RPF2: variants seen among roughly 807,000 people sequenced by gnomAD.
RPF2 encodes the protein ribosome production factor 2 homolog.
RPF2 carries 21 observed loss-of-function variants against 38.9 expected under a neutral mutation model. The ratio of observed to expected loss-of-function variants is 0.54; its 90% CI spans 0.38 to 0.78. The LOEUF (loss-of-function observed/expected upper bound fraction) is 0.78, where lower values mean the gene tolerates loss of function less well. RPF2 is among the 30% of genes least tolerant of loss of function. RPF2 has a pLI of 0.00. For synonymous variants in RPF2, 121 were observed against 126.2 expected (o/e 0.96, Z 0.28); for missense variants, 314 against 358.1 (o/e 0.88, Z 0.99).
rs370589617 is a variant in RPF2, at chr6:110,990,567, C to G, written c.195-1180C>G. 4.5e-3 allele frequency among the ~76,000 whole-genome samples: 605 copies of G among 133,900 alleles called. 7 individuals are homozygous for G. The highest frequency in any genetic ancestry group is 0.016 in the African/African-American group (582 of 36,000). 87.8% of individuals were successfully genotyped at this position (133,900 alleles called of 152,430 possible). A position where few individuals can be genotyped will look rare whatever the true frequency, so the allele number is the denominator to read the frequency against. ...CTGTTTGGCAATTGGGAACCCCCCCCCCCCCCACCTTTTCTTTTGTTTGTT... is the reference window on the plus strand; with the variant it reads ...CTGTTTGGCAATTGGGAACCCCCCCGCCCCCCACCTTTTCTTTTGTTTGTT... On this transcript the variant is annotated intron_variant, in intron 3 of 9. Transcript: ENST00000441448.
chr6:110,996,174 G>A (rs924558979), intron 4 of RPF2, among the ~76,000 whole-genome samples: 3 of 149,172 alleles, frequency 2.0e-5, no homozygotes, highest in African/African-American at 5.0e-5. Flanking sequence ...CCAAACTGGA[G>A]TGCAGTGGTC....
intron 4 of RPF2, among the ~76,000 whole-genome samples, chr6:110,994,770 C>CACACACACAT (rs1554247831): frequency 2.5e-4 from 36 of 146,064 alleles, no homozygotes; most frequent in African/African-American, 9.3e-4. Flanking sequence ...CACACACACA[C>CACACACACAT]GAGTATGTAT....
intron 3 of RPF2, among the ~76,000 whole-genome samples, chr6:110,990,736 C>A (rs1438775910): frequency 6.6e-6 from 1 of 151,924 alleles, no homozygotes; most frequent in African/African-American, 2.4e-5. Context: ...AGGTGCCCAG[C>A]TAATTTTTGT....
At chr6:111,005,935 G>A (rs1018268169) in intron 6 of RPF2, among the ~76,000 whole-genome samples, 18 of 151,988 alleles carry the variant, frequency 1.2e-4, no homozygotes, top group African/African-American at 3.9e-4. Context: ...TCTCAGCCCC[G>A]ACTAGCTGGG....
intron 7 of RPF2, among the ~76,000 whole-genome samples, chr6:111,015,043 G>T (rs1446686888): frequency 6.6e-6 from 1 of 152,158 alleles, no homozygotes; most frequent in Non-Finnish European, 1.5e-5. Flanking sequence ...CTCCCAAAGT[G>T]CTGGGATGAC....
intron 8 of RPF2, among the ~76,000 whole-genome samples, chr6:111,023,500 TGAA>T (rs770727029): frequency 3.9e-5 from 6 of 152,218 alleles, no homozygotes; most frequent in East Asian, 3.8e-4. Context: ...ATGAGTAAGA[TGAA>T]GAAGTCAAAT....
At chr6:111,024,441 C>T (rs566269584) in intron 9 of RPF2, 114 bp downstream of exon 9, 51 of 965,912 alleles carry the variant, frequency 5.3e-5, no homozygotes, top group Admixed American at 1.3e-4. Context: ...AGGCCAGGCG[C>T]GGTGGCTCAC....
chr6:111,024,124 T>C, intron 8 of RPF2, 59 bp from the exon 9 acceptor site: 1 of 1,434,844 alleles, frequency 7.0e-7, no homozygotes, highest in Non-Finnish European at 9.4e-7. Context: ...AAAAAATATT[T>C]GGTGGAGAGG....
At chr6:111,014,286 C>T (rs780726213) in intron 7 of RPF2, among the ~76,000 whole-genome samples, 7 of 152,058 alleles carry the variant, frequency 4.6e-5, no homozygotes, top group South Asian at 4.2e-4. Context: ...GCACTTGCCA[C>T]CACACCTGGC....
Position 110,982,077 on chromosome 6 carries a change from C to T in RPF2, c.-30C>T, listed in dbSNP as rs1269667429. 1.9e-6 allele frequency: 3 copies of T among 1,613,952 alleles called. No homozygotes were observed. The highest frequency in any genetic ancestry group is 2.2e-5 in the East Asian group (1 of 44,886). ...AATCGCCGAGGGCACGTGCATGCCC[C>T]CTGGTTAAGAGTTGCAGGTAGCGGT... On this transcript the variant is annotated 5_prime_UTR_variant, in exon 1 of 10. Transcript: ENST00000441448.
chr6:110,987,260 T>C (rs1203046291), intron 2 of RPF2, among the ~76,000 whole-genome samples: 2 of 152,002 alleles, frequency 1.3e-5, no homozygotes, highest in East Asian at 3.9e-4. Flanking sequence ...GGTTTCACCA[T>C]GTTGGCCAGG....
chr6:111,010,606 C>T (rs1771995884), intron 7 of RPF2, among the ~76,000 whole-genome samples: 1 of 152,182 alleles, frequency 6.6e-6, no homozygotes, highest in African/African-American at 2.4e-5. Context: ...GTGGCCTTGT[C>T]TACTTTATTC....
chr6:110,997,796 G>C (rs978216250), intron 5 of RPF2, among the ~76,000 whole-genome samples: 1 of 152,148 alleles, frequency 6.6e-6, no homozygotes, highest in Non-Finnish European at 1.5e-5. Context: ...CAGGCAACTT[G>C]AGAGATTCAT....
At chr6:110,989,672 C>A (rs1223191275) in intron 3 of RPF2, among the ~76,000 whole-genome samples, 1 of 147,896 alleles carries the variant, frequency 6.8e-6, no homozygotes, top group Admixed American at 6.8e-5. Flanking sequence ...TGTTGCCAGG[C>A]TGGAGTGCAG....
At chr6:110,982,227 C>T in intron 1 of RPF2, 98 bp downstream of exon 1, 1 of 1,356,264 alleles carries the variant, frequency 7.4e-7, no homozygotes, top group African/African-American at 1.4e-5. Context: ...CTGGTTACCC[C>T]TCTAATTACC....
Position 111,026,477 on chromosome 6 carries a change from C to T in RPF2, c.*895C>T, listed in dbSNP as rs1288526596. 1 of 152,296 alleles carries T rather than the reference C, an allele frequency of 6.6e-6. No individual in the cohort carries two copies. Among genetic ancestry groups the T allele is most frequent in the Non-Finnish European group, 1.5e-5 (1 of 68,180 alleles). 9.4% of individuals were successfully genotyped at this position (152,296 alleles called of 1,614,324 possible). A position where few individuals can be genotyped will look rare whatever the true frequency, so the allele number is the denominator to read the frequency against. Reference sequence around the variant, plus strand: ...TCACCTTCCTGAGCAGCCGGAACTACAGATGTTGGTCCACTGCACCTGGCA... The same window carrying T: ...TCACCTTCCTGAGCAGCCGGAACTATAGATGTTGGTCCACTGCACCTGGCA... On this transcript the variant is annotated 3_prime_UTR_variant, in exon 10 of 10. Transcript: ENST00000441448.
rs1292398962 is a variant in RPF2 at position 110,991,708 on chromosome 6, T to C, written c.195-39T>C. On this transcript the variant is annotated intron_variant, in intron 3 of 9. Transcript: ENST00000441448. Reference sequence around the variant, plus strand: ...TTAATATATTAATTGTATATACTTATTTAGATTATTAAAATTGTCACTTTT... The same window carrying C: ...TTAATATATTAATTGTATATACTTACTTAGATTATTAAAATTGTCACTTTT... The C allele has an allele frequency of 2.6e-6, 2 of 762,352 alleles. 1 individual carries two copies. The highest frequency in any genetic ancestry group is 7.4e-4 in the Middle Eastern group (2 of 2,692). The allele number at this position is 762,352 out of a possible 1,614,324, so 47.2% of individuals were successfully genotyped here.
At chr6:110,990,233 C>T (rs557606036) in intron 3 of RPF2, among the ~76,000 whole-genome samples, 40 of 151,380 alleles carry the variant, frequency 2.6e-4, no homozygotes, top group African/African-American at 8.5e-4. Flanking sequence ...CCACCGTGCC[C>T]GGCCCTAGTT....
At chr6:110,982,250 G>C in intron 1 of RPF2, 121 bp downstream of exon 1, 1 of 1,139,374 alleles carries the variant, frequency 8.8e-7, no homozygotes. Context: ...GGTGGGGGCC[G>C]ATCGATCACC....
Sources: allele counts gnomAD v4.1 joint callset (sites outside exome capture counted in the v4.1 genomes callset), GRCh38; gene constraint gnomAD v4.1.1; transcripts MANE v1.5; gene names NCBI Gene and HGNC (gene_info 2026-07-23, HGNC 2026-07-21).